The following RP1 variants were observed in gnomAD, a reference collection of about 807,000 sequenced individuals.
RP1 encodes oxygen-regulated protein 1.
In RP1, 16 loss-of-function variants were observed where a neutral mutation model predicts 14.8. That is an observed-to-expected ratio of 1.08 (90% CI 0.73 to 1.65). The LOEUF is 1.65. Among genes scored for constraint, RP1 ranks in the 40% most tolerant of loss-of-function variants. The pLI is 0.00. For synonymous variants in RP1, 876 were observed against 883.6 expected, an observed-to-expected ratio of 0.99 and a Z score of 0.15; for missense variants, 2,631 against 2,535.0, an observed-to-expected ratio of 1.04 and a Z score of -0.81.
chr8:54,622,328 T>C (rs761808094), intron 3 of RP1, 40 bp downstream of exon 3: 12 of 1,604,780 alleles, frequency 7.5e-6, no homozygotes, highest in Admixed American at 5.0e-5. Context: ...TTTTTAGCCC[T>C]GAGATTTTTT....
At chr8:54,774,634 A>G (rs2129376794), downstream of RP1, among the ~76,000 whole-genome samples, 2 of 152,310 alleles carry the variant, frequency 1.3e-5, no homozygotes, top group East Asian at 3.9e-4. Flanking sequence ...CTCCCAAATT[A>G]AATAGCTAGT....
At chr8:54,807,410 T>C (rs1245292098) in intron 24 of RP1, among the ~76,000 whole-genome samples, 1 of 152,218 alleles carries the variant, frequency 6.6e-6, no homozygotes, top group Non-Finnish European at 1.5e-5. Context: ...TTCCAGAGCC[T>C]AGGTTGACAT....
At chr8:54,648,726 AAT>A (rs1454819999) in intron 3 of RP1, among the ~76,000 whole-genome samples, 1 of 152,150 alleles carries the variant, frequency 6.6e-6, no homozygotes, top group Non-Finnish European at 1.5e-5. Context: ...GACCAACAAT[AAT>A]ATAGTAATGA....
intron 24 of RP1, among the ~76,000 whole-genome samples, chr8:54,821,070 G>GTGA (rs1489248601): frequency 6.6e-6 from 1 of 152,164 alleles, no homozygotes; most frequent in African/African-American, 2.4e-5. Flanking sequence ...GGTGGACTCA[G>GTGA]TGATGAGGGA....
At chr8:54,851,585 T>C (rs1812061848) in intron 25 of RP1, among the ~76,000 whole-genome samples, 1 of 152,210 alleles carries the variant, frequency 6.6e-6, no homozygotes, top group African/African-American at 2.4e-5. Context: ...TTGCTTGAAA[T>C]ATTTCTTTGG....
intron 19 of RP1, chr8:54,739,158 C>A: frequency 2.0e-6 from 1 of 490,820 alleles, no homozygotes; most frequent in Non-Finnish European, 3.5e-6. Context: ...GGGGTTATGC[C>A]TCTGTAAACT....
At chr8:54,663,617 G>T in intron 6 of RP1, 1 of 1,309,570 alleles carries the variant, frequency 7.6e-7, no homozygotes, top group East Asian at 2.8e-5. Flanking sequence ...TTTCCACCAT[G>T]GATAAGAGGA....
chr8:54,724,896 C>T (rs1808618172), intron 16 of RP1, among the ~76,000 whole-genome samples: 1 of 152,206 alleles, frequency 6.6e-6, no homozygotes, highest in Non-Finnish European at 1.5e-5. Flanking sequence ...AATGCTCATT[C>T]TTGTTTCACA....
rs370467403 is a variant in RP1, at chr8:54,800,062, GAGA to G, written c.3615+16355_3615+16357del. On this transcript the variant is annotated intron_variant, in intron 24 of 28. Coordinates refer to the RP1 transcript ENST00000637698. Reference sequence around the variant, plus strand: ...ACATTTCCTCAGTTTCTGTTTGTATGAGAAGGTCTTTATTTATTCTTCATTTTT... The same window carrying G: ...ACATTTCCTCAGTTTCTGTTTGTATGAGGTCTTTATTTATTCTTCATTTTT... 5.3e-3 allele frequency among the ~76,000 whole-genome samples: 800 copies of G among 152,112 alleles called. 6 individuals carry two copies. The highest frequency in any genetic ancestry group is 0.018 in the African/African-American group (759 of 41,528).
At chr8:54,688,883 A>G (rs1020317225) in intron 12 of RP1, among the ~76,000 whole-genome samples, 1 of 152,156 alleles carries the variant, frequency 6.6e-6, no homozygotes, top group Non-Finnish European at 1.5e-5. Context: ...ATGGCACTGA[A>G]TCTACAAATT....
intron 24 of RP1, among the ~76,000 whole-genome samples, chr8:54,833,307 T>C (rs1811577129): frequency 6.6e-6 from 1 of 151,922 alleles, no homozygotes; most frequent in Admixed American, 6.6e-5. Context: ...GCTATACAAA[T>C]ATAGATATTG....
chr8:54,627,634 T>G lies in RP1; in HGVS notation c.3752T>G (p.Val1251Gly), dbSNP rs760506749. 6.2e-7 allele frequency: 1 copy of G among 1,614,182 alleles called. No homozygotes were observed. Among genetic ancestry groups the G allele is most frequent in the Non-Finnish European group, 8.5e-7 (1 of 1,179,996 alleles). The change falls in exon 4 of 4, where the codon GTT becomes GGT. Residue 1251 changes from valine (V) to glycine (G), a missense_variant. Coordinates refer to ENST00000220676, the MANE Select transcript of RP1 (RefSeq NM_006269.2). ...ASEACAPEVC[V>G]LEVTCSPCEM... ...GAGGCATGTGCCCCTGAAGTCTGTG[T>G]TTTGGAAGTGACTTGCTCTCCATGT...
intron 15 of RP1, among the ~76,000 whole-genome samples, chr8:54,710,980 G>A (rs1808282061): frequency 6.6e-6 from 1 of 152,138 alleles, no homozygotes; most frequent in African/African-American, 2.4e-5. Context: ...CACCTCAAAG[G>A]TGGAGTTTTG....
chr8:54,813,511 A>G (rs960396739), intron 24 of RP1, among the ~76,000 whole-genome samples: 1 of 152,258 alleles, frequency 6.6e-6, no homozygotes, highest in African/African-American at 2.4e-5. Context: ...AACTTACAGC[A>G]GAATGAGAAA....
intron 23 of RP1, among the ~76,000 whole-genome samples, chr8:54,775,281 A>C (rs775572116): frequency 1.3e-5 from 2 of 152,220 alleles, no homozygotes; most frequent in Non-Finnish European, 2.9e-5. Context: ...TTCTGAACTC[A>C]ACAAAAGGTG....
intron 9 of RP1, among the ~76,000 whole-genome samples, chr8:54,678,969 GGTGATAGATTTGCTTTC>G (rs1005770266): frequency 1.3e-4 from 20 of 151,948 alleles, no homozygotes; most frequent in Non-Finnish European, 2.5e-4. Flanking sequence ...TCCCAGCAGT[GGTGATAGATTTGCTTTC>G]GTGATAGATT....
intron 24 of RP1, among the ~76,000 whole-genome samples, chr8:54,811,987 T>C (rs767912647): frequency 1.3e-5 from 2 of 152,214 alleles, no homozygotes; most frequent in Non-Finnish European, 2.9e-5. Context: ...TGAACAATAT[T>C]TGTCAACTCA....
At chr8:54,668,898 A>C (rs1585593075) in intron 7 of RP1, among the ~76,000 whole-genome samples, 1 of 152,200 alleles carries the variant, frequency 6.6e-6, no homozygotes, top group Non-Finnish European at 1.5e-5. Flanking sequence ...TAAAGACTTA[A>C]ATGTTAGACC....
At chr8:54,775,412 C>G (rs1486059318) in intron 23 of RP1, among the ~76,000 whole-genome samples, 1 of 152,170 alleles carries the variant, frequency 6.6e-6, no homozygotes, top group Admixed American at 6.5e-5. Flanking sequence ...TTCTGCCTGG[C>G]TCGCTTTCTG....
Sources: allele counts gnomAD v4.1 joint callset (sites outside exome capture counted in the v4.1 genomes callset), GRCh38; gene constraint gnomAD v4.1.1; transcripts MANE v1.5; gene names NCBI Gene and HGNC (gene_info 2026-07-23, HGNC 2026-07-21).